The following PHACTR3 variants were observed in gnomAD, a reference collection of about 807,000 sequenced individuals.
The protein encoded by PHACTR3 is protein phosphatase 1, regulatory subunit 123.
PHACTR3 carries 16 observed loss-of-function variants against 66.8 expected under a neutral mutation model. The ratio of observed to expected loss-of-function variants is 0.24; its 90% CI spans 0.16 to 0.36. The LOEUF is 0.36. Ranked by LOEUF, PHACTR3 falls within the 10% of genes least tolerant of loss-of-function variation. PHACTR3 has a pLI of 1.00. For missense variants in PHACTR3, 647 were observed against 719.9 expected (o/e 0.90, Z 1.16); for synonymous variants, 323 against 292.1 (o/e 1.11, Z -1.08).
chr20:59,630,334 C>G (rs1300263535), intron 1 of PHACTR3, among the ~76,000 whole-genome samples: 1 of 152,042 alleles, frequency 6.6e-6, no homozygotes, highest in South Asian at 2.1e-4. Flanking sequence ...AGGTGCCCAC[C>G]ACCACACCTG....
chr20:59,840,360 C>A lies in PHACTR3; in HGVS notation c.1385-9C>A, dbSNP rs556936851. On this transcript the variant is annotated splice_polypyrimidine_tract_variant and intron_variant, in intron 9 of 12. Coordinates refer to ENST00000371015, the MANE Select transcript of PHACTR3 (RefSeq NM_080672.5). ...GTTATTTTTTTTTTCCTATTTTAAT[C>A]TTTCACAGAAAGGAATGATCAGACA... The A allele has an allele frequency of 4.4e-6, 7 of 1,600,232 alleles. No individual in the cohort carries two copies. In the African/African-American group the frequency reaches 9.5e-5, roughly 22 times the overall value.
chr20:59,669,959 T>C (rs950110030), intron 1 of PHACTR3, among the ~76,000 whole-genome samples: 1 of 152,238 alleles, frequency 6.6e-6, no homozygotes, highest in Admixed American at 6.5e-5. Flanking sequence ...AACTGTCTGC[T>C]TATCAATTGT....
Position 59,740,835 on chromosome 20 carries a change from G to GTGGGGCCT in PHACTR3, c.119-2267_119-2260dup, listed in dbSNP as rs1168924507. ...CTGGGGGCACAGAGGTCACTGCCATGTGGGGCCTTGGGCCCTCGGGTGCTG... is the reference window on the plus strand; with the variant it reads ...CTGGGGGCACAGAGGTCACTGCCATGTGGGGCCTTGGGGCCTTGGGCCCTCGGGTGCTG... On this transcript the variant is annotated intron_variant, in intron 1 of 12. Transcript: ENST00000371015. Among the ~76,000 whole-genome samples, 13 of 152,366 alleles carry GTGGGGCCT rather than the reference G, an allele frequency of 8.5e-5. No homozygotes were observed. The East Asian group carries it at 2.5e-3, about 29-fold the overall frequency.
chr20:59,595,565 G>A (rs923879649), intron 1 of PHACTR3, among the ~76,000 whole-genome samples: 1 of 152,222 alleles, frequency 6.6e-6, no homozygotes, highest in Non-Finnish European at 1.5e-5. Flanking sequence ...TACTGTTGTT[G>A]GAGGAAGTGG....
intron 1 of PHACTR3, among the ~76,000 whole-genome samples, chr20:59,673,392 C>T (rs1377252122): frequency 6.6e-6 from 1 of 152,240 alleles, no homozygotes; most frequent in Non-Finnish European, 1.5e-5. Flanking sequence ...GCACCAGATG[C>T]AGGATCTCTT....
At position 59,738,002 on chromosome 20, in the gene PHACTR3, G is replaced by A. The variant is rs1348306436; in HGVS notation, c.119-5105G>A. Among the ~76,000 whole-genome samples the A allele has an allele frequency of 1.3e-5, 2 of 152,154 alleles. No individual in the cohort carries two copies. Among genetic ancestry groups the A allele is most frequent in the African/African-American group, 2.4e-5 (1 of 41,450 alleles). ...GCTCCAGCCACTAGGGCAGAAGTGG[G>A]GGGAGGCAGCTGATTAAAATAGTGC... is the stretch of plus-strand genomic sequence containing the variant. On this transcript the variant is annotated intron_variant, in intron 1 of 12. Coordinates refer to ENST00000371015, the MANE Select transcript of PHACTR3 (RefSeq NM_080672.5). The surrounding 1 kb of genome is among the most constrained non-coding windows in gnomAD (Gnocchi z 4.4).
chr20:59,588,739 C>T (rs1470443824), intron 1 of PHACTR3, among the ~76,000 whole-genome samples: 1 of 152,156 alleles, frequency 6.6e-6, no homozygotes, highest in Non-Finnish European at 1.5e-5. Context: ...GGCCTCCATG[C>T]CTGGCACAGG....
At chr20:59,715,225 A>G (rs1399032784) in intron 1 of PHACTR3, among the ~76,000 whole-genome samples, 2 of 152,084 alleles carry the variant, frequency 1.3e-5, no homozygotes, top group Admixed American at 6.6e-5. Flanking sequence ...GAAAGATTTG[A>G]ATATTTCATC....
chr20:59,830,350 G>T lies in PHACTR3; in HGVS notation c.1329-6155G>T, dbSNP rs1164244661. 6.6e-6 allele frequency among the ~76,000 whole-genome samples: 1 copy of T among 151,754 alleles called. No homozygotes were observed. Among genetic ancestry groups the T allele is most frequent in the Non-Finnish European group, 1.5e-5 (1 of 68,000 alleles). Reference sequence around the variant, plus strand: ...AGGTGTGAGTATTTGATGGAGGAGGGTGTGTCTGATGGAGACGGTGTGAAT... The same window carrying T: ...AGGTGTGAGTATTTGATGGAGGAGGTTGTGTCTGATGGAGACGGTGTGAAT... On this transcript the variant is annotated intron_variant, in intron 8 of 12. Transcript: ENST00000371015. This position sits in a 1 kb window ranked among gnomAD's most constrained non-coding sequence, Gnocchi z 5.8.
rs1397824119 is a variant in PHACTR3, at chr20:59,622,145, G to C, written c.118+17013G>C. Among the ~76,000 whole-genome samples the C allele has an allele frequency of 2.7e-5, 4 of 148,028 alleles. No individual in the cohort carries two copies. The South Asian group carries it at 8.8e-4, about 32-fold the overall frequency. On this transcript the variant is annotated intron_variant, in intron 1 of 12. Transcript: ENST00000371015. ...GTGTGCACGTGTGGGTACTTCCCCT[G>C]ATTTTTTTTTTTTTGTGACATAACT... is the stretch of plus-strand genomic sequence containing the variant.
intron 1 of PHACTR3, among the ~76,000 whole-genome samples, chr20:59,589,856 C>T (rs734814): frequency 0.12 from 17,978 of 152,266 alleles, 1,237 homozygotes; most frequent in South Asian, 0.27. Context: ...TATGGATTTG[C>T]TCTTTTATTT....
chr20:59,757,969 CA>C (rs927914652), intron 4 of PHACTR3, among the ~76,000 whole-genome samples: 1 of 151,828 alleles, frequency 6.6e-6, no homozygotes, highest in Non-Finnish European at 1.5e-5. Context: ...GACCCTGCTT[CA>C]AAAAAAATTC....
intron 1 of PHACTR3, among the ~76,000 whole-genome samples, chr20:59,674,930 TC>T (rs1238352849): frequency 3.9e-5 from 1 of 25,844 alleles, no homozygotes; most frequent in African/African-American, 2.0e-4. Flanking sequence ...CCTTCTACTG[TC>T]CCCCCACTTC....
At chr20:59,729,734 T>C (rs2038697359) in intron 1 of PHACTR3, among the ~76,000 whole-genome samples, 1 of 152,178 alleles carries the variant, frequency 6.6e-6, no homozygotes, top group Non-Finnish European at 1.5e-5. Flanking sequence ...TGGTTCCATC[T>C]TGCTGTGTCA....
chr20:59,606,811 T>G (rs921280737), intron 1 of PHACTR3, among the ~76,000 whole-genome samples: 2 of 152,182 alleles, frequency 1.3e-5, no homozygotes, highest in African/African-American at 4.8e-5. Context: ...TGCCTGTGAT[T>G]AAGTTATGCG....
chr20:59,726,557 C>T (rs1264858254), intron 1 of PHACTR3, among the ~76,000 whole-genome samples: 5 of 152,140 alleles, frequency 3.3e-5, no homozygotes, highest in South Asian at 4.2e-4. Flanking sequence ...GTTGGTCCAG[C>T]CCCAGCTTCT....
chr20:59,808,422 T>C (rs2041633036), intron 8 of PHACTR3, among the ~76,000 whole-genome samples: 1 of 152,206 alleles, frequency 6.6e-6, no homozygotes, highest in Admixed American at 6.5e-5. Context: ...AAAGCTCAGG[T>C]GCACCGTCCC....
At chr20:59,807,934 C>T (rs1482743807) in intron 8 of PHACTR3, among the ~76,000 whole-genome samples, 4 of 152,204 alleles carry the variant, frequency 2.6e-5, no homozygotes, top group South Asian at 2.1e-4. Flanking sequence ...CCCAGAGCCA[C>T]GGGTGGGCAC....
At chr20:59,763,756 C>T (rs745926267) in intron 4 of PHACTR3, among the ~76,000 whole-genome samples, 4 of 152,186 alleles carry the variant, frequency 2.6e-5, no homozygotes, top group Non-Finnish European at 5.9e-5. Flanking sequence ...CATTCAGATG[C>T]AGGAGGTGGG....
Sources: allele counts gnomAD v4.1 joint callset (sites outside exome capture counted in the v4.1 genomes callset), GRCh38; gene constraint gnomAD v4.1.1; non-coding constraint Gnocchi (gnomAD v3.1); transcripts MANE v1.5; gene names NCBI Gene and HGNC (gene_info 2026-07-23, HGNC 2026-07-21).